Variants in STPG2 observed in about 807,000 individuals in gnomAD.
STPG2 encodes sperm-tail PG-rich repeat-containing protein 2.
STPG2 carries 56 observed loss-of-function variants against 54.2 expected under a neutral mutation model. That is an observed-to-expected ratio of 1.03 (90% CI 0.83 to 1.29). The LOEUF is 1.29. Among genes scored for constraint, STPG2 ranks in the 50% most tolerant of loss-of-function variants. The probability of loss-of-function intolerance (pLI) is 0.00; values close to 1 mark genes in which losing one functional copy is unlikely to be tolerated. For synonymous variants in STPG2, 200 were observed against 181.8 expected, an observed-to-expected ratio of 1.10 and a Z score of -0.81; for missense variants, 596 against 544.9, an observed-to-expected ratio of 1.09 and a Z score of -0.93.
chr4:97,442,854 T>C (rs1028650474), intron 4 of STPG2, among the ~76,000 whole-genome samples: 1 of 152,104 alleles, frequency 6.6e-6, no homozygotes, highest in Admixed American at 6.6e-5. Context: ...TAAAAGGGTG[T>C]GTGCTTTTTA....
At chr4:98,142,262 T>C (rs1740317130) in intron 1 of STPG2, among the ~76,000 whole-genome samples, 2 of 152,184 alleles carry the variant, frequency 1.3e-5, no homozygotes, top group Non-Finnish European at 1.5e-5. Context: ...AACAGAATAA[T>C]GGATCCTGGC....
intron 8 of STPG2, among the ~76,000 whole-genome samples, chr4:97,873,691 T>C (rs1247726442): frequency 6.6e-6 from 1 of 151,532 alleles, no homozygotes; most frequent in African/African-American, 2.4e-5. Flanking sequence ...TTAGATCCAA[T>C]TGATTTTCCC....
intron 3 of STPG2, among the ~76,000 whole-genome samples, chr4:98,120,312 C>A (rs930176078): frequency 6.6e-6 from 1 of 152,120 alleles, no homozygotes; most frequent in African/African-American, 2.4e-5. Flanking sequence ...AACTCCTGAC[C>A]TCATGATCCA....
chr4:97,576,983 T>C (rs1335232553), intron 10 of STPG2, among the ~76,000 whole-genome samples: 5 of 151,974 alleles, frequency 3.3e-5, no homozygotes, highest in Non-Finnish European at 7.4e-5. Context: ...AATAAACATA[T>C]GAAAAATGCT....
chr4:98,023,014 A>G (rs1411590533), intron 5 of STPG2, among the ~76,000 whole-genome samples: 3 of 152,058 alleles, frequency 2.0e-5, no homozygotes, highest in Admixed American at 1.3e-4. Context: ...TCTTCTCTCA[A>G]CTCATCAAAG....
At chr4:97,598,372 GA>G (rs953091662) in intron 10 of STPG2, among the ~76,000 whole-genome samples, 6 of 140,196 alleles carry the variant, frequency 4.3e-5, no homozygotes, top group South Asian at 2.1e-4. Context: ...CACGGAATTA[GA>G]AAAAAAAACA....
At chr4:97,484,720 C>T (rs1220801677) in intron 4 of STPG2, among the ~76,000 whole-genome samples, 2 of 151,708 alleles carry the variant, frequency 1.3e-5, no homozygotes, top group African/African-American at 4.8e-5. Flanking sequence ...ATGAGGCCAG[C>T]ATCACCTTAA....
chr4:97,485,815 A>T (rs1461195591), intron 4 of STPG2, among the ~76,000 whole-genome samples: 1 of 152,078 alleles, frequency 6.6e-6, no homozygotes, highest in East Asian at 1.9e-4. Flanking sequence ...ATAGTCACCA[A>T]AACAGCATGG....
intron 10 of STPG2, among the ~76,000 whole-genome samples, chr4:97,622,976 C>T (rs954934822): frequency 5.9e-5 from 9 of 151,976 alleles, no homozygotes; most frequent in African/African-American, 1.9e-4. Flanking sequence ...ACACCTACAA[C>T]CATCTAATCT....
chr4:97,779,543 A>C (rs1726525655), intron 9 of STPG2, among the ~76,000 whole-genome samples: 1 of 152,228 alleles, frequency 6.6e-6, no homozygotes, highest in South Asian at 2.1e-4. Flanking sequence ...CCAACCTAGC[A>C]AGGCAGGCCA....
At chr4:98,078,242 G>C (rs1215271778) in intron 5 of STPG2, among the ~76,000 whole-genome samples, 2 of 151,972 alleles carry the variant, frequency 1.3e-5, no homozygotes, top group African/African-American at 4.8e-5. Flanking sequence ...AGGAAATCTG[G>C]TCCTTTGTTA....
chr4:97,561,490 G>A (rs570361565), intron 10 of STPG2, among the ~76,000 whole-genome samples: 5 of 152,250 alleles, frequency 3.3e-5, no homozygotes, highest in African/African-American at 9.6e-5. Flanking sequence ...TGTTGCCACT[G>A]CTTTTGGTGT....
At chr4:97,577,879 A>G (rs1732762418) in intron 10 of STPG2, among the ~76,000 whole-genome samples, 1 of 152,186 alleles carries the variant, frequency 6.6e-6, no homozygotes, top group Non-Finnish European at 1.5e-5. Flanking sequence ...AGTAATGTAT[A>G]CAATACAGTT....
intron 10 of STPG2, among the ~76,000 whole-genome samples, chr4:97,636,518 A>G (rs1180908117): frequency 1.3e-5 from 2 of 148,556 alleles, no homozygotes; most frequent in Non-Finnish European, 3.0e-5. Context: ...AAATAGAGAC[A>G]CAAAAAACCC....
chr4:98,007,807 T>TA (rs1429817126), intron 5 of STPG2, among the ~76,000 whole-genome samples: 36 of 151,786 alleles, frequency 2.4e-4, no homozygotes, highest in African/African-American at 8.2e-4. Context: ...AAAAATGCAT[T>TA]AAAAAATTAT....
intron 5 of STPG2, among the ~76,000 whole-genome samples, chr4:98,086,900 A>C (rs1387848539): frequency 1.3e-5 from 2 of 152,166 alleles, no homozygotes; most frequent in African/African-American, 2.4e-5. Flanking sequence ...TACTTTCACT[A>C]TCTATAACAT....
At chr4:98,004,293 A>G (rs964144422) in intron 5 of STPG2, among the ~76,000 whole-genome samples, 4 of 152,266 alleles carry the variant, frequency 2.6e-5, no homozygotes, top group African/African-American at 9.6e-5. Context: ...ATGTTCATCC[A>G]TGTTATCACA....
intron 9 of STPG2, among the ~76,000 whole-genome samples, chr4:97,742,107 C>T (rs1408307541): frequency 6.6e-6 from 1 of 151,430 alleles, no homozygotes; most frequent in Non-Finnish European, 1.5e-5. Flanking sequence ...AGTAAACTAT[C>T]GCAAGAAAAA....
chr4:97,975,091 T>C (rs767955975), intron 6 of STPG2, among the ~76,000 whole-genome samples: 27 of 152,238 alleles, frequency 1.8e-4, no homozygotes, highest in Admixed American at 5.2e-4. Context: ...TTAGAAAAGA[T>C]AAAATCATAG....
Sources: allele counts gnomAD v4.1 joint callset (sites outside exome capture counted in the v4.1 genomes callset), GRCh38; gene constraint gnomAD v4.1.1; transcripts MANE v1.5; gene names NCBI Gene and HGNC (gene_info 2026-07-23, HGNC 2026-07-21).